KIAA1328: variants seen among roughly 807,000 people sequenced by gnomAD.
KIAA1328 encodes the protein protein hinderin.
A neutral mutation model predicts 68.1 loss-of-function variants in KIAA1328; 52 were observed. That is an observed-to-expected ratio of 0.76 (90% CI 0.61 to 0.96). The LOEUF (loss-of-function observed/expected upper bound fraction) is 0.96. Ranked by LOEUF, KIAA1328 falls within the 40% of genes least tolerant of loss-of-function variation. KIAA1328 has a pLI of 0.00. For synonymous variants in KIAA1328, 232 were observed against 239.4 expected (o/e 0.97, Z 0.28); for missense variants, 641 against 677.6 (o/e 0.95, Z 0.60).
chr18:36,877,026 C>A (rs1248818610), intron 4 of KIAA1328, among the ~76,000 whole-genome samples: 1 of 152,160 alleles, frequency 6.6e-6, no homozygotes, highest in Non-Finnish European at 1.5e-5. Flanking sequence ...TTTGATTGCA[C>A]TGTGGTCTGT....
At chr18:37,021,554 A>G (rs1003262520) in intron 6 of KIAA1328, among the ~76,000 whole-genome samples, 2 of 152,154 alleles carry the variant, frequency 1.3e-5, no homozygotes, top group African/African-American at 4.8e-5. Flanking sequence ...TGAATTATTT[A>G]TTAGGATTTC....
chr18:36,885,915 C>G, intron 5 of KIAA1328: 1 of 445,370 alleles, frequency 2.2e-6, no homozygotes, highest in South Asian at 4.2e-5. Flanking sequence ...CGGGGTTTCA[C>G]CTTGTTGGCC....
chr18:36,959,454 A>G lies in KIAA1328; in HGVS notation c.576+19A>G. 2 of 1,599,688 alleles carry G rather than the reference A, an allele frequency of 1.3e-6. No individual in the cohort carries two copies. Among genetic ancestry groups the G allele is most frequent in the Non-Finnish European group, 1.7e-6 (2 of 1,174,566 alleles). ...ACAGCAGGTAAGCATCTTTAATTTT[A>G]CTTTTCTTGTCTTCAGTGGATCAGC... On this transcript the variant is annotated intron_variant, in intron 6 of 9. Coordinates refer to ENST00000280020, the MANE Select transcript of KIAA1328 (RefSeq NM_020776.3).
At chr18:37,024,083 C>A (rs1001483115) in intron 6 of KIAA1328, among the ~76,000 whole-genome samples, 1 of 152,088 alleles carries the variant, frequency 6.6e-6, no homozygotes, top group Non-Finnish European at 1.5e-5. Flanking sequence ...GTAGCCTCAA[C>A]CTCCTGGGTT....
At position 36,875,964 on chromosome 18, in the gene KIAA1328, A is replaced by G. The variant is rs775211901; in HGVS notation, c.333-9593A>G. The stretch of plus-strand genomic sequence containing the variant: ...ATTGTTTCTGTTTGTGTGATGGATT[A>G]CATTTATTGATTTGTGTATGTTGAA... On this transcript the variant is annotated intron_variant, in intron 4 of 9. Coordinates refer to ENST00000280020, the MANE Select transcript of KIAA1328 (RefSeq NM_020776.3). 2.6e-4 allele frequency among the ~76,000 whole-genome samples: 39 copies of G among 152,060 alleles called. 1 individual carries two copies. The highest frequency in any genetic ancestry group is 1.9e-4 in the Non-Finnish European group (13 of 68,012).
intron 8 of KIAA1328, among the ~76,000 whole-genome samples, chr18:37,170,545 ACTCT>A: frequency 6.6e-6 from 1 of 152,236 alleles, no homozygotes; most frequent in African/African-American, 2.4e-5. Flanking sequence ...TGCTAATGTA[ACTCT>A]CTGTCTCCCA....
intron 4 of KIAA1328, among the ~76,000 whole-genome samples, chr18:36,874,610 A>G (rs929727915): frequency 4.6e-5 from 7 of 151,740 alleles, no homozygotes; most frequent in Non-Finnish European, 1.0e-4. Context: ...GATTGCAAAA[A>G]TTTTCTCCCA....
intron 7 of KIAA1328, among the ~76,000 whole-genome samples, chr18:37,094,198 C>T (rs112997963): frequency 6.6e-6 from 1 of 152,142 alleles, no homozygotes; most frequent in Non-Finnish European, 1.5e-5. Context: ...TCACAGGAGG[C>T]AGAGCTCAGG....
intron 6 of KIAA1328, among the ~76,000 whole-genome samples, chr18:37,005,202 C>T (rs2053734325): frequency 6.6e-6 from 1 of 151,790 alleles, no homozygotes; most frequent in South Asian, 2.1e-4. Flanking sequence ...ACTCATGTAA[C>T]CAAATTACCC....
chr18:36,895,664 T>C, intron 5 of KIAA1328: 1 of 442,296 alleles, frequency 2.3e-6, no homozygotes, highest in East Asian at 7.0e-5. Context: ...TATGTATTTA[T>C]TTGTTACTTA....
intron 6 of KIAA1328, among the ~76,000 whole-genome samples, chr18:36,972,949 T>C (rs188779691): frequency 2.0e-5 from 3 of 152,368 alleles, no homozygotes; most frequent in African/African-American, 2.4e-5. Flanking sequence ...TCTAAAGTTT[T>C]GTCTGTTGTG....
At chr18:37,046,457 G>C (rs1234696713) in intron 6 of KIAA1328, among the ~76,000 whole-genome samples, 2 of 152,028 alleles carry the variant, frequency 1.3e-5, no homozygotes, top group Non-Finnish European at 1.5e-5. Flanking sequence ...TTCCAACCCT[G>C]TGAGACTACT....
At chr18:36,897,679 C>T (rs1265201959) in intron 5 of KIAA1328, among the ~76,000 whole-genome samples, 1 of 151,990 alleles carries the variant, frequency 6.6e-6, no homozygotes, top group African/African-American at 2.4e-5. Flanking sequence ...CTATAATATT[C>T]CCAAGGCATC....
At chr18:36,830,172 C>G (rs1386376893) in intron 1 of KIAA1328, among the ~76,000 whole-genome samples, 1 of 152,158 alleles carries the variant, frequency 6.6e-6, no homozygotes. Context: ...GTGAAACTTA[C>G]AAAACTGTGT....
chr18:37,041,549 T>C (rs1395960119), intron 6 of KIAA1328, among the ~76,000 whole-genome samples: 1 of 152,040 alleles, frequency 6.6e-6, no homozygotes, highest in Middle Eastern at 3.2e-3. Context: ...TGTGATATGG[T>C]TGGATTTATG....
In KIAA1328 at chr18:37,067,146, C is replaced by T. The variant is rs774479080; in HGVS notation, c.833C>T (p.Pro278Leu). 5.0e-6 allele frequency: 8 copies of T among 1,613,988 alleles called. No individual in the cohort carries two copies. The highest frequency in any genetic ancestry group is 3.3e-5 in the Admixed American group (2 of 60,026). The stretch of plus-strand genomic sequence containing the variant: ...AATTGTGAATCTCCAGGGAGAAAAC[C>T]TGCAGTCCCAACAGAGAAAATGCCA... ...TCNCESPGRK[P>L]AVPTEKMPQE... is the part of the protein sequence containing the mutation. The change falls in exon 7 of 10, where the codon CCT (proline) becomes CTT (leucine). Residue 278 changes from proline to leucine, a missense_variant. Pro to Leu is a moderately conservative substitution (Grantham distance 98). Coordinates refer to ENST00000280020, the MANE Select transcript of KIAA1328 (RefSeq NM_020776.3).
intron 6 of KIAA1328, among the ~76,000 whole-genome samples, chr18:36,973,557 C>T (rs1392020524): frequency 2.0e-5 from 3 of 151,946 alleles, no homozygotes; most frequent in Admixed American, 6.6e-5. Flanking sequence ...AGCCCAGATG[C>T]TACTAATGTG....
At chr18:37,005,219 T>A (rs1047964214) in intron 6 of KIAA1328, among the ~76,000 whole-genome samples, 2 of 151,790 alleles carry the variant, frequency 1.3e-5, no homozygotes, top group African/African-American at 4.8e-5. Context: ...ACCCCTGTTT[T>A]CCCCAAAACC....
intron 5 of KIAA1328, among the ~76,000 whole-genome samples, chr18:36,911,332 G>T (rs986457273): frequency 6.6e-6 from 1 of 152,056 alleles, no homozygotes; most frequent in African/African-American, 2.4e-5. Context: ...TTAGGAATTC[G>T]AATTGTGACT....
Sources: gnomAD v4.1 joint callset for allele counts (sites outside exome capture counted in the v4.1 genomes callset) on GRCh38, gnomAD v4.1.1 for gene constraint, MANE v1.5 for transcripts, NCBI Gene and HGNC (gene_info 2026-07-23, HGNC 2026-07-21) for gene names.